Variants in NRXN3 observed in about 807,000 individuals in gnomAD.
The protein encoded by NRXN3 is neurexin III.
Under a neutral mutation model 137.6 loss-of-function variants are expected in NRXN3, and 32 were observed. The observed-to-expected ratio is 0.23, with a 90% CI of 0.18 to 0.31. The LOEUF is 0.31. Among genes scored for constraint, NRXN3 ranks in the 10% least tolerant of loss-of-function variants. The probability of loss-of-function intolerance (pLI) is 1.00; values close to 1 mark genes in which losing one functional copy is unlikely to be tolerated. For synonymous variants in NRXN3, 798 were observed against 784.5 expected, an observed-to-expected ratio of 1.02 and a Z score of -0.29; for missense variants, 1,574 against 2,062.5, an observed-to-expected ratio of 0.76 and a Z score of 4.59.
At chr14:79,711,590 G>A (rs2098804532) in intron 19 of NRXN3, among the ~76,000 whole-genome samples, 1 of 152,142 alleles carries the variant, frequency 6.6e-6, no homozygotes, top group African/African-American at 2.4e-5. Context: ...GGGATTAGAG[G>A]TGTGAGCCAC....
intron 6 of NRXN3, among the ~76,000 whole-genome samples, chr14:78,680,094 C>G (rs1225615287): frequency 6.6e-6 from 1 of 151,906 alleles, no homozygotes; most frequent in East Asian, 1.9e-4. Flanking sequence ...ATGGATGGAA[C>G]TGGAGGCCAT....
intron 16 of NRXN3, among the ~76,000 whole-genome samples, chr14:79,609,142 G>A (rs1188961498): frequency 6.6e-6 from 1 of 151,912 alleles, no homozygotes; most frequent in Non-Finnish European, 1.5e-5. Flanking sequence ...GACTCATTAT[G>A]GTGAGTTCGC....
intron 20 of NRXN3, among the ~76,000 whole-genome samples, chr14:79,852,779 C>T (rs2099394527): frequency 6.6e-6 from 1 of 152,038 alleles, no homozygotes; most frequent in Non-Finnish European, 1.5e-5. Context: ...TTGTTCATCT[C>T]TGAAAGTGTG....
At chr14:78,802,993 A>G (rs1484040570) in intron 8 of NRXN3, among the ~76,000 whole-genome samples, 1 of 152,210 alleles carries the variant, frequency 6.6e-6, no homozygotes, top group Non-Finnish European at 1.5e-5. Flanking sequence ...CCCTATTTGA[A>G]TAAAAGTAAA....
chr14:79,169,725 T>C (rs1466216637), intron 15 of NRXN3, among the ~76,000 whole-genome samples: 3 of 152,184 alleles, frequency 2.0e-5, no homozygotes, highest in African/African-American at 4.8e-5. Context: ...GGGGTAAAGA[T>C]AGAAAATGTA....
In NRXN3 at chr14:79,752,352, A is replaced by G. The variant is rs189777918; in HGVS notation, c.4015-52760A>G. Among the ~76,000 whole-genome samples the G allele has an allele frequency of 5.2e-3, 787 of 152,184 alleles. 44 individuals are homozygous for G. The East Asian group carries it at 0.13, about 25-fold the overall frequency. On this transcript the variant is annotated intron_variant, in intron 19 of 20. Transcript: ENST00000335750. ...GCTACAGTAACCAAAACAGCATGGT[A>G]CTGGTACCAAAACAGAGATATAGAT...
chr14:79,326,935 A>C (rs2090972037), intron 15 of NRXN3, among the ~76,000 whole-genome samples: 1 of 152,182 alleles, frequency 6.6e-6, no homozygotes, highest in Non-Finnish European at 1.5e-5. Flanking sequence ...AATGTCCTCC[A>C]TCAGCATAAA....
chr14:78,383,768 A>G (rs1598052620), intron 4 of NRXN3, among the ~76,000 whole-genome samples: 1 of 152,166 alleles, frequency 6.6e-6, no homozygotes, highest in Non-Finnish European at 1.5e-5. Flanking sequence ...TTGAGAGCAG[A>G]TAGGATGGAG....
chr14:78,977,861 G>C (rs930297442), intron 14 of NRXN3, among the ~76,000 whole-genome samples: 1 of 152,130 alleles, frequency 6.6e-6, no homozygotes, highest in Non-Finnish European at 1.5e-5. Context: ...TATGAGGGGA[G>C]TACTAATAAA....
At chr14:78,539,960 TG>T (rs2096572758) in intron 4 of NRXN3, among the ~76,000 whole-genome samples, 1 of 152,234 alleles carries the variant, frequency 6.6e-6, no homozygotes, top group South Asian at 2.1e-4. Flanking sequence ...GATTGCACTG[TG>T]GTCTCAGAGA....
chr14:79,577,513 CTCTT>C (rs1416925454), intron 16 of NRXN3, among the ~76,000 whole-genome samples: 1 of 152,184 alleles, frequency 6.6e-6, no homozygotes, highest in Non-Finnish European at 1.5e-5. Flanking sequence ...AGATCAAACA[CTCTT>C]TCTGTGAAGT....
At chr14:78,581,845 C>A (rs1600810879) in intron 4 of NRXN3, among the ~76,000 whole-genome samples, 1 of 152,186 alleles carries the variant, frequency 6.6e-6, no homozygotes, top group East Asian at 1.9e-4. Context: ...GAATCAACAG[C>A]AAAGGTGCCC....
chr14:79,758,420 A>G (rs2099027229), intron 19 of NRXN3, among the ~76,000 whole-genome samples: 1 of 152,052 alleles, frequency 6.6e-6, no homozygotes, highest in South Asian at 2.1e-4. Context: ...AGCAAGAGAG[A>G]GGATAGGAGG....
At chr14:78,800,005 C>G (rs985420090) in intron 8 of NRXN3, among the ~76,000 whole-genome samples, 3 of 152,006 alleles carry the variant, frequency 2.0e-5, no homozygotes, top group Admixed American at 2.0e-4. Flanking sequence ...GAAAATAGAA[C>G]AATAGAGATT....
At chr14:79,844,860 T>G (rs1259172644) in intron 20 of NRXN3, among the ~76,000 whole-genome samples, 1 of 152,214 alleles carries the variant, frequency 6.6e-6, no homozygotes, top group Non-Finnish European at 1.5e-5. Flanking sequence ...CTGACTCCTC[T>G]TCTCTAGCTG....
intron 15 of NRXN3, among the ~76,000 whole-genome samples, chr14:79,408,533 A>G (rs1312444368): frequency 1.3e-5 from 2 of 152,090 alleles, no homozygotes; most frequent in Admixed American, 1.3e-4. Context: ...ATTTCTGATT[A>G]TTATTCTGTA....
chr14:78,909,417 T>G (rs1487188386), intron 10 of NRXN3, among the ~76,000 whole-genome samples: 3 of 152,172 alleles, frequency 2.0e-5, no homozygotes, highest in Admixed American at 2.0e-4. Flanking sequence ...GCTAATTTAG[T>G]ACAGTGTTTT....
chr14:79,126,490 C>T (rs1331072527), intron 15 of NRXN3, among the ~76,000 whole-genome samples: 1 of 152,096 alleles, frequency 6.6e-6, no homozygotes, highest in Non-Finnish European at 1.5e-5. Flanking sequence ...CATGTCCCTA[C>T]AAAGGACATG....
chr14:78,416,362 A>G (rs901593342), intron 4 of NRXN3, among the ~76,000 whole-genome samples: 1 of 152,176 alleles, frequency 6.6e-6, no homozygotes, highest in South Asian at 2.1e-4. Flanking sequence ...AGGATAGGAA[A>G]TTGCTATGGA....
Sources: allele counts gnomAD v4.1 joint callset (sites outside exome capture counted in the v4.1 genomes callset), GRCh38; gene constraint gnomAD v4.1.1; transcripts MANE v1.5; gene names NCBI Gene and HGNC (gene_info 2026-07-23, HGNC 2026-07-21).